CLASP2: variants seen among roughly 807,000 people sequenced by gnomAD.
The protein encoded by CLASP2 is cytoplasmic linker associated protein 2.
A neutral mutation model predicts 194.4 loss-of-function variants in CLASP2; 47 were observed. That is an observed-to-expected ratio of 0.24 (90% CI 0.19 to 0.31). The LOEUF is 0.31. Ranked by LOEUF, CLASP2 falls within the 10% of genes least tolerant of loss-of-function variation. CLASP2 has a pLI of 1.00. For missense variants in CLASP2, 1,445 were observed against 1,823.6 expected, an observed-to-expected ratio of 0.79 and a Z score of 3.78; for synonymous variants, 619 against 633.5, an observed-to-expected ratio of 0.98 and a Z score of 0.34.
chr3:33,645,929 TACACACACACACACACACACACACACAC>T (rs60196645), intron 7 of CLASP2, among the ~76,000 whole-genome samples: 3 of 135,202 alleles, frequency 2.2e-5, no homozygotes, highest in African/African-American at 5.5e-5. Flanking sequence ...TCTCCCAGCA[TACACACACACACACACACACACACACAC>T]ACACACACAC....
intron 34 of CLASP2, among the ~76,000 whole-genome samples, chr3:33,526,234 A>G (rs990011854): frequency 2.6e-5 from 4 of 152,126 alleles, no homozygotes; most frequent in African/African-American, 9.7e-5. Flanking sequence ...TTGACCTCCC[A>G]AAGTGCTCAG....
At chr3:33,710,060 C>T (rs546319157) in intron 1 of CLASP2, among the ~76,000 whole-genome samples, 13 of 152,264 alleles carry the variant, frequency 8.5e-5, no homozygotes, top group East Asian at 1.9e-4. Context: ...GGATTGGCCA[C>T]GGGCTGATAA....
chr3:33,589,507 A>G (rs2068204118), intron 21 of CLASP2, among the ~76,000 whole-genome samples: 1 of 152,196 alleles, frequency 6.6e-6, no homozygotes, highest in Non-Finnish European at 1.5e-5. Context: ...TACAAATTAC[A>G]TAATACCTTT....
At chr3:33,624,277 T>C (rs1262902718) in intron 10 of CLASP2, among the ~76,000 whole-genome samples, 1 of 151,870 alleles carries the variant, frequency 6.6e-6, no homozygotes, top group Non-Finnish European at 1.5e-5. Context: ...AAGATGTAAA[T>C]GTAAAAAAAC....
chr3:33,525,509 C>T (rs540257445), intron 34 of CLASP2, among the ~76,000 whole-genome samples: 6 of 151,978 alleles, frequency 3.9e-5, no homozygotes, highest in African/African-American at 1.2e-4. Flanking sequence ...AGAGCAACAC[C>T]GAGCCAGGGG....
At chr3:33,515,279 T>C (rs2050984265) in intron 36 of CLASP2, among the ~76,000 whole-genome samples, 1 of 152,290 alleles carries the variant, frequency 6.6e-6, no homozygotes, top group East Asian at 1.9e-4. Context: ...TCCTCATAGT[T>C]ACCTAATCGA....
intron 6 of CLASP2, among the ~76,000 whole-genome samples, chr3:33,680,676 T>C: frequency 6.6e-6 from 1 of 151,960 alleles, no homozygotes; most frequent in East Asian, 1.9e-4. Context: ...CCAGGTGTTG[T>C]GGTGTGCATC....
At position 33,684,866 on chromosome 3, in the gene CLASP2, G is replaced by T. The variant is rs531521913; in HGVS notation, c.547-410C>A. Among the ~76,000 whole-genome samples, 9 of 152,086 alleles carry T rather than the reference G, an allele frequency of 5.9e-5. No homozygotes were observed. In the East Asian group the frequency reaches 1.7e-3, roughly 29 times the overall value. ...AATACAAAAACATTAGCTGGGCATG[G>T]TGGCATGTGCCTGTAATCCCAGCTA... On this transcript the variant is annotated intron_variant, in intron 5 of 38. Transcript: ENST00000682230.
intron 5 of CLASP2, 130 bp from the exon 6 acceptor site, chr3:33,684,586 C>A: frequency 2.2e-6 from 1 of 460,646 alleles, no homozygotes; most frequent in East Asian, 3.5e-5. Flanking sequence ...GCATATATGG[C>A]TTGTCATCAG....
chr3:33,717,688 G>T, intron 1 of CLASP2, 120 bp downstream of exon 1: 1 of 1,097,508 alleles, frequency 9.1e-7, no homozygotes, highest in Non-Finnish European at 1.3e-6. Flanking sequence ...GCTTCCCAAA[G>T]TGTGTTTCCC....
chr3:33,527,903 C>T (rs1271445456), intron 34 of CLASP2, among the ~76,000 whole-genome samples: 1 of 152,102 alleles, frequency 6.6e-6, no homozygotes, highest in Non-Finnish European at 1.5e-5. Context: ...GTGGAAGTTG[C>T]AGAGAGCCGA....
At chr3:33,709,514 CAG>C (rs2092897650) in intron 1 of CLASP2, among the ~76,000 whole-genome samples, 2 of 152,120 alleles carry the variant, frequency 1.3e-5, no homozygotes, top group Admixed American at 1.3e-4. Flanking sequence ...AAGCCACAGT[CAG>C]AGGAGATTTT....
intron 34 of CLASP2, among the ~76,000 whole-genome samples, chr3:33,530,846 G>A (rs2056116298): frequency 6.6e-6 from 1 of 152,136 alleles, no homozygotes; most frequent in African/African-American, 2.4e-5. Flanking sequence ...CACATAAATA[G>A]AAGCACATCC....
intron 28 of CLASP2, among the ~76,000 whole-genome samples, chr3:33,560,369 A>C (rs945596212): frequency 2.6e-5 from 4 of 151,870 alleles, no homozygotes; most frequent in Non-Finnish European, 4.4e-5. Flanking sequence ...CAGCCTCTGG[A>C]GTAGCTGAGA....
rs2090332702 is a variant in CLASP2 at position 33,684,454 on chromosome 3, C to T, written c.549G>A (p.Val183=). ...CTATAGCCAATATTGCAGCATCTCT[C>T]ACCTGTCAAAGAATTCAGAACTTTT... ...CILFGDSNSQ[V]RDAAILAIVE... is the part of the protein sequence containing the mutation. Residue 183 remains valine (V), a splice_region_variant and synonymous_variant, in exon 6 of 39, where the codon GTG becomes GTA. Coordinates refer to ENST00000682230, the MANE Select transcript of CLASP2 (RefSeq NM_001365631.1). The T allele has an allele frequency of 1.3e-6, 2 of 1,578,648 alleles. No homozygotes were observed. The highest frequency in any genetic ancestry group is 1.4e-5 in the African/African-American group (1 of 73,314).
At chr3:33,665,699 C>T (rs1275595024) in intron 6 of CLASP2, among the ~76,000 whole-genome samples, 1 of 152,098 alleles carries the variant, frequency 6.6e-6, no homozygotes, top group Non-Finnish European at 1.5e-5. Flanking sequence ...ATCTTTAAAG[C>T]AAACAAAACA....
intron 10 of CLASP2, among the ~76,000 whole-genome samples, chr3:33,623,641 T>C (rs2077483996): frequency 6.6e-6 from 1 of 152,220 alleles, no homozygotes; most frequent in African/African-American, 2.4e-5. Flanking sequence ...TTCCAATGTG[T>C]ATATGTACCA....
intron 28 of CLASP2, 40 bp from the exon 29 acceptor site, chr3:33,559,425 T>A (rs764796217): frequency 1.6e-6 from 2 of 1,217,504 alleles, no homozygotes; most frequent in East Asian, 4.9e-5. Flanking sequence ...AAAATTTAGT[T>A]AGCAAGTACG....
intron 29 of CLASP2, among the ~76,000 whole-genome samples, chr3:33,552,406 C>T (rs1365844746): frequency 5.3e-5 from 8 of 152,090 alleles, no homozygotes; most frequent in African/African-American, 9.7e-5. Context: ...CGTGAGCCAC[C>T]GTGCCCGGCC....
Sources: allele counts gnomAD v4.1 joint callset (sites outside exome capture counted in the v4.1 genomes callset), GRCh38; gene constraint gnomAD v4.1.1; transcripts MANE v1.5; gene names NCBI Gene and HGNC (gene_info 2026-07-23, HGNC 2026-07-21).